The following MBP variants were observed in gnomAD, a reference collection of about 807,000 sequenced individuals.
MBP encodes Golli-MBP.
In MBP, 16 loss-of-function variants were observed where a neutral mutation model predicts 35.8. The observed-to-expected ratio is 0.45, with a 90% CI of 0.30 to 0.68. MBP has a LOEUF of 0.68. MBP is among the 30% of genes least tolerant of loss of function. The pLI is 0.08. For missense variants in MBP, 380 were observed against 404.7 expected (o/e 0.94, Z 0.52); for synonymous variants, 143 against 159.6 (o/e 0.90, Z 0.78).
rs1015470013 is a variant in MBP, at chr18:77,132,597, C to T, written c.-43G>A. 3.9e-5 allele frequency: 6 copies of T among 152,238 alleles called. No individual in the cohort carries two copies. The highest frequency in any genetic ancestry group is 6.5e-5 in the Admixed American group (1 of 15,282). The allele number at this position is 152,238 out of a possible 1,614,324, so 9.4% of individuals were successfully genotyped here. A position where few individuals can be genotyped will look rare whatever the true frequency, so the allele number is the denominator to read the frequency against. ...TCACCCACCGGCGCTGCGCTCGTTG[C>T]TCCGAGGCCGAGGGGCGCCGCGGGG... On this transcript the variant is annotated 5_prime_UTR_variant, in exon 1 of 9. Coordinates refer to ENST00000355994, the MANE Select transcript of MBP (RefSeq NM_001025101.2).
chr18:77,123,085 G>A (rs35106585), intron 1 of MBP, among the ~76,000 whole-genome samples: 46,707 of 152,078 alleles, frequency 0.31, 7,811 homozygotes, highest in Non-Finnish European at 0.39. Flanking sequence ...ACCCTGAAAT[G>A]GACGGCATAG....
At chr18:77,091,629 A>C (rs565131971) in intron 2 of MBP, among the ~76,000 whole-genome samples, 29 of 151,476 alleles carry the variant, frequency 1.9e-4, no homozygotes, top group African/African-American at 6.5e-4. Context: ...CCACACCCCT[A>C]TACAGGTATA....
rs186268040 is a variant in MBP at position 77,046,393 on chromosome 18, T to C, written c.139+19905A>G. On this transcript the variant is annotated intron_variant, in intron 3 of 8. Transcript: ENST00000355994. Reference sequence around the variant, plus strand: ...AGCTATTACCTGATACACAAACAACTTGCTCCCCGGAAGGGAAATCCACTG... The same window carrying C: ...AGCTATTACCTGATACACAAACAACCTGCTCCCCGGAAGGGAAATCCACTG... Among the ~76,000 whole-genome samples the C allele has an allele frequency of 4.6e-4, 70 of 152,352 alleles. 1 individual carries two copies. Among genetic ancestry groups the C allele is most frequent in the African/African-American group, 1.7e-3 (69 of 41,580 alleles).
At chr18:77,023,673 G>A (rs1041852329) in intron 3 of MBP, among the ~76,000 whole-genome samples, 3 of 152,146 alleles carry the variant, frequency 2.0e-5, no homozygotes, top group Non-Finnish European at 1.5e-5. Flanking sequence ...CCTCCGTGGC[G>A]CCATGTGCAA....
chr18:77,051,506 C>T (rs141364948), intron 3 of MBP, among the ~76,000 whole-genome samples: 1,790 of 152,248 alleles, frequency 0.012, 48 homozygotes, highest in African/African-American at 0.041. Flanking sequence ...TGGGCTCCTC[C>T]GGGGAGGGTG....
intron 3 of MBP, among the ~76,000 whole-genome samples, chr18:77,023,214 C>T (rs8090564): frequency 0.35 from 53,831 of 151,992 alleles, 10,272 homozygotes; most frequent in Non-Finnish European, 0.42. Context: ...CACAGCAGGA[C>T]GCAGCTGTGA....
At chr18:77,106,208 A>G (rs1976270753) in intron 1 of MBP, among the ~76,000 whole-genome samples, 2 of 152,230 alleles carry the variant, frequency 1.3e-5, no homozygotes, top group South Asian at 4.1e-4. Flanking sequence ...TGTCTTCTGA[A>G]CACGGGGAGA....
At chr18:77,108,507 G>A (rs553716055) in intron 1 of MBP, 12 of 152,304 alleles carry the variant, frequency 7.9e-5, no homozygotes, top group East Asian at 3.9e-4. Context: ...TGAGACTTCC[G>A]CGGTCTCAGT....
intron 3 of MBP, among the ~76,000 whole-genome samples, chr18:77,059,055 A>C (rs1004846985): frequency 1.4e-4 from 22 of 152,150 alleles, no homozygotes; most frequent in Admixed American, 1.4e-3. Context: ...GTTCGCCAGC[A>C]CGAGTTCGGG....
chr18:77,032,095 G>A (rs76274592), intron 3 of MBP, among the ~76,000 whole-genome samples: 9,851 of 152,296 alleles, frequency 0.065, 377 homozygotes, highest in Middle Eastern at 0.099. Flanking sequence ...AGGCGCCGGG[G>A]GCACGCAGGG....
upstream of MBP, chr18:77,132,820 C>G (rs1009289691): frequency 3.3e-5 from 5 of 151,972 alleles, no homozygotes; most frequent in Admixed American, 2.0e-4. Context: ...GCGCACCCAG[C>G]TCCCCGGCCC....
At chr18:77,013,691 G>T (rs1971469746) in intron 4 of MBP, 1 of 985,242 alleles carries the variant, frequency 1.0e-6, no homozygotes, top group Admixed American at 6.2e-5. Flanking sequence ...CAGAAAAATA[G>T]ACAAAATCAT....
At chr18:76,985,647 G>A (rs1340849553) in intron 7 of MBP, 2 of 1,061,330 alleles carry the variant, frequency 1.9e-6, no homozygotes, top group South Asian at 2.9e-5. Flanking sequence ...CATCCTGGCA[G>A]CAGCGGGACA....
intron 1 of MBP, among the ~76,000 whole-genome samples, chr18:77,107,881 G>T (rs1599257883): frequency 6.6e-6 from 1 of 152,126 alleles, no homozygotes; most frequent in South Asian, 2.1e-4. Flanking sequence ...TTAATATAAA[G>T]AATATTTATA....
Position 76,987,412 on chromosome 18 carries a change from C to T in MBP, c.750+1083G>A, listed in dbSNP as rs948447963. The T allele has an allele frequency of 1.2e-5, 12 of 985,390 alleles. No homozygotes were observed. In the East Asian group the frequency reaches 7.9e-4, roughly 65 times the overall value. 61.0% of individuals were successfully genotyped at this position (985,390 alleles called of 1,614,324 possible). Reference sequence around the variant, plus strand: ...AAATATGCATTAATGGAAAACGTTTCGGTAAATATCTTAGTTCATAATTCA... The same window carrying T: ...AAATATGCATTAATGGAAAACGTTTTGGTAAATATCTTAGTTCATAATTCA... On this transcript the variant is annotated intron_variant, in intron 7 of 8. Transcript: ENST00000355994.
upstream of MBP, chr18:77,133,604 T>A (rs969899333): frequency 4.0e-5 from 6 of 151,254 alleles, no homozygotes; most frequent in African/African-American, 1.5e-4. Flanking sequence ...AGTCCCAGAA[T>A]GAGGCCCCGC....
At chr18:77,006,225 G>A (rs1254266425) in intron 4 of MBP, 2 of 152,360 alleles carry the variant, frequency 1.3e-5, no homozygotes, top group African/African-American at 4.8e-5. Context: ...CTCCAAGTCA[G>A]GCCAGGAGCA....
At chr18:77,000,066 C>T (rs1431059208) in intron 4 of MBP, among the ~76,000 whole-genome samples, 2 of 152,134 alleles carry the variant, frequency 1.3e-5, no homozygotes, top group Non-Finnish European at 2.9e-5. Context: ...GAGGCCAGGA[C>T]ATTTCTGCAA....
intron 2 of MBP, chr18:77,069,061 A>G: frequency 2.2e-6 from 1 of 464,834 alleles, no homozygotes. Context: ...TCTATTACAG[A>G]AACTCCCAGA....
Sources: gnomAD v4.1 joint callset for allele counts (sites outside exome capture counted in the v4.1 genomes callset) on GRCh38, gnomAD v4.1.1 for gene constraint, MANE v1.5 for transcripts, NCBI Gene and HGNC (gene_info 2026-07-23, HGNC 2026-07-21) for gene names.